The following NEB variants were observed in gnomAD, a reference collection of about 807,000 sequenced individuals.
The protein encoded by NEB is nemaline myopathy type 2.
Under a neutral mutation model 952.2 loss-of-function variants are expected in NEB, and 512 were observed. The observed-to-expected ratio is 0.54, with a 90% CI of 0.50 to 0.58. The LOEUF (loss-of-function observed/expected upper bound fraction) is 0.58, where lower values mean the gene tolerates loss of function less well. NEB is among the 20% of genes least tolerant of loss of function. The pLI is 0.00. For synonymous variants in NEB, 2,900 were observed against 3,149.8 expected, an observed-to-expected ratio of 0.92 and a Z score of 2.66; for missense variants, 8,428 against 9,231.1, an observed-to-expected ratio of 0.91 and a Z score of 3.56.
chr2:151,514,266 C>T (rs1184385154), intron 159 of NEB, 52 bp downstream of exon 159: 3 of 1,302,474 alleles, frequency 2.3e-6, no homozygotes, highest in Non-Finnish European at 3.3e-6. Context: ...ATTTGGCTAA[C>T]AAAGAAATGA....
At chr2:151,624,677 T>A (rs2098484432) in intron 71 of NEB, among the ~76,000 whole-genome samples, 1 of 152,172 alleles carries the variant, frequency 6.6e-6, no homozygotes, top group Non-Finnish European at 1.5e-5. Context: ...AAATTAGTAC[T>A]TAAATTTTTC....
intron 124 of NEB, among the ~76,000 whole-genome samples, chr2:151,555,839 G>T (rs2095615039): frequency 6.8e-6 from 1 of 148,092 alleles, no homozygotes; most frequent in Non-Finnish European, 1.5e-5. Flanking sequence ...CTATTTCTCA[G>T]CTTCAAAGAT....
chr2:151,614,566 G>T lies in NEB; in HGVS notation c.11311C>A (p.Arg3771Ser), dbSNP rs767978939. The T allele has an allele frequency of 1.2e-6, 2 of 1,613,454 alleles. No homozygotes were observed. The highest frequency in any genetic ancestry group is 1.1e-5 in the South Asian group (1 of 91,062). Residue 3771 changes from arginine to serine, a missense_variant, in exon 77 of 182, where the codon CGC becomes AGC. By Grantham distance (110) the Arg-to-Ser change is moderately radical (BLOSUM62 -1). This residue lies in a region of NEB where 1,772 missense variants were observed against 1,960.3 expected (regional missense o/e 0.90). Transcript: ENST00000397345. ...ASDYKYKEGYRKQLGHHIGAR... is the reference protein window; with the variant it reads ...ASDYKYKEGYSKQLGHHIGAR... ...CCAATATGGTGGCCAAGCTGTTTGC[G>T]GTAGCCTTCCTTGTACTTGTACTAA...
intron 13 of NEB, among the ~76,000 whole-genome samples, chr2:151,704,673 C>A (rs1468429808): frequency 6.6e-6 from 1 of 152,192 alleles, no homozygotes; most frequent in East Asian, 1.9e-4. Flanking sequence ...AACTCTCTGA[C>A]CCCTTGCGCT....
rs879926091 is a variant in NEB, at chr2:151,520,145, A to G, written c.22480-377T>C. ...CTCCTAACTAGCAAAACCAACAGCA[A>G]TTTAAGTCTGTGAAATCCAAAGAAG... On this transcript the variant is annotated intron_variant, in intron 153 of 181. Coordinates refer to ENST00000397345, the MANE Select transcript of NEB (RefSeq NM_001164508.2). Among the ~76,000 whole-genome samples, 11 of 152,314 alleles carry G rather than the reference A, an allele frequency of 7.2e-5. No homozygotes were observed. The South Asian group carries it at 1.2e-3, about 17-fold the overall frequency.
In NEB at chr2:151,494,161, C is replaced by A; in HGVS notation, c.24579G>T (p.Ser8193=). 1 of 1,602,100 alleles carries A rather than the reference C, an allele frequency of 6.2e-7. No individual in the cohort carries two copies. The highest frequency in any genetic ancestry group is 2.2e-5 in the East Asian group (1 of 44,652). The change falls in exon 174 of 182, where the codon TCG becomes TCT. Residue 8193 remains serine, a splice_region_variant and synonymous_variant. Transcript: ENST00000397345. The stretch of plus-strand genomic sequence containing the variant: ...GCACTTTTGTTTCTCAAGACAATAC[C>A]GAGCTAATGTTTTCTTGATTGCGTT... ...RVKRNQENIS[S]VLYKENLGKA...
chr2:151,487,041 G>T (rs907846186), intron 181 of NEB, among the ~76,000 whole-genome samples: 11 of 151,790 alleles, frequency 7.2e-5, no homozygotes, highest in African/African-American at 2.7e-4. Flanking sequence ...ATGTATGCAT[G>T]AAATTGTGTG....
chr2:151,680,667 TG>T, intron 30 of NEB, 62 bp downstream of exon 30: 1 of 1,227,938 alleles, frequency 8.1e-7, no homozygotes, highest in Admixed American at 1.9e-5. Flanking sequence ...TCAGTACATT[TG>T]AAATACAAAT....
At chr2:151,657,849 G>T in intron 48 of NEB, 134 bp downstream of exon 48, 1 of 669,124 alleles carries the variant, frequency 1.5e-6, no homozygotes. Flanking sequence ...ACAAAAGCAA[G>T]GTTAAGAAGC....
At chr2:151,557,233 T>A (rs1206423727) in intron 124 of NEB, among the ~76,000 whole-genome samples, 1 of 152,114 alleles carries the variant, frequency 6.6e-6, no homozygotes, top group Non-Finnish European at 1.5e-5. Flanking sequence ...GAGAATACTA[T>A]AAACACCTCT....
intron 10 of NEB, 139 bp from the exon 11 acceptor site, chr2:151,710,677 A>T (rs2099742327): frequency 3.7e-6 from 2 of 533,390 alleles, no homozygotes; most frequent in Admixed American, 6.4e-5. Flanking sequence ...CCTTTAAAAA[A>T]AATCTTCCAA....
intron 48 of NEB, 138 bp from the exon 49 acceptor site, chr2:151,656,602 AG>A: frequency 2.4e-6 from 1 of 409,150 alleles, no homozygotes; most frequent in Middle Eastern, 7.8e-4. Flanking sequence ...TATAGTTCAC[AG>A]ACTAATTTTT....
In NEB at chr2:151,658,009, T is replaced by G. The variant is rs1191767241; in HGVS notation, c.6157A>C (p.Lys2053Gln). 6.2e-7 allele frequency: 1 copy of G among 1,609,900 alleles called. No individual in the cohort carries two copies. The highest frequency in any genetic ancestry group is 2.2e-5 in the East Asian group (1 of 44,830). Reference sequence around the variant, plus strand: ...TCACTTGCAATATCTCTGGAAGCCTTGGCAGCTTTGATAGGAATTGCATCA... The same window carrying G: ...TCACTTGCAATATCTCTGGAAGCCTGGGCAGCTTTGATAGGAATTGCATCA... ...RPDAIPIKAAKASRDIASDYK... is the reference protein window; with the variant it reads ...RPDAIPIKAAQASRDIASDYK... Residue 2053 changes from lysine to glutamine, a missense_variant, in exon 48 of 182, where the codon AAG becomes CAG. Around this residue, in one of 11 missense-constraint regions of NEB, gnomAD observed 2,851 missense variants for 2,791.5 expected, o/e 1.02. Transcript: ENST00000397345.
At chr2:151,673,672 G>A (rs1398696093) in intron 36 of NEB, among the ~76,000 whole-genome samples, 2 of 151,136 alleles carry the variant, frequency 1.3e-5, no homozygotes, top group African/African-American at 4.9e-5. Context: ...TTATTCCCTG[G>A]GATAGCATGT....
chr2:151,552,672 G>T lies in NEB; in HGVS notation c.19836C>A (p.Asp6612Glu), dbSNP rs371194689. The T allele has an allele frequency of 6.2e-7, 1 of 1,607,438 alleles. No homozygotes were observed. Among genetic ancestry groups the T allele is most frequent in the East Asian group, 2.2e-5 (1 of 44,722 alleles). Residue 6612 changes from aspartate to glutamate, a missense_variant and splice_region_variant, in exon 128 of 182, where the codon GAC becomes GAA. By Grantham distance (45) the Asp-to-Glu change is conservative. Around this residue, in one of 11 missense-constraint regions of NEB, gnomAD observed 3,374 missense variants for 3,651.5 expected, o/e 0.92. Coordinates refer to ENST00000397345, the MANE Select transcript of NEB (RefSeq NM_001164508.2). The part of the protein sequence containing the change: ...QAVKSGKQLS[D>E]AVYHYDYVHS... ...CTTAACTTCCCCAGTGATCACTTACGTCACTTAGCTGTTTCCCACTTTTGA... is the reference window on the plus strand; with the variant it reads ...CTTAACTTCCCCAGTGATCACTTACTTCACTTAGCTGTTTCCCACTTTTGA...
intron 146 of NEB, among the ~76,000 whole-genome samples, chr2:151,528,014 T>G (rs1022769846): frequency 6.6e-6 from 1 of 152,198 alleles, no homozygotes; most frequent in Non-Finnish European, 1.5e-5. Flanking sequence ...ATTATAAAAT[T>G]TTATAAAATT....
At chr2:151,546,557 C>CTTT (rs11436330) in intron 133 of NEB, 114 bp from the exon 134 acceptor site, 3,794 of 350,572 alleles carry the variant, frequency 0.011, 21 homozygotes, top group African/African-American at 0.027. Flanking sequence ...GGTTCATCTA[C>CTTT]TTTTTTTTTT....
intron 41 of NEB, 42 bp from the exon 42 acceptor site, chr2:151,665,581 G>T (rs777246749): frequency 5.5e-6 from 8 of 1,466,830 alleles, no homozygotes; most frequent in Non-Finnish European, 6.4e-6. Flanking sequence ...AAAGAGTCAG[G>T]GCTTGTGTTT....
chr2:151,500,040 A>AATT (rs1410710506), intron 168 of NEB, among the ~76,000 whole-genome samples: 2 of 152,238 alleles, frequency 1.3e-5, no homozygotes, highest in African/African-American at 4.8e-5. Flanking sequence ...ACAAGAAAAT[A>AATT]ATTAGAAAAT....
Sources: allele counts gnomAD v4.1 joint callset (sites outside exome capture counted in the v4.1 genomes callset), GRCh38; gene constraint gnomAD v4.1.1; regional missense constraint gnomAD v4.1.1; transcripts MANE v1.5; gene names NCBI Gene and HGNC (gene_info 2026-07-23, HGNC 2026-07-21).